Variants in SMYD3 observed in about 807,000 individuals in gnomAD.
SMYD3 encodes SET and MYND domain containing 3, also known as histone-lysine N-methyltransferase SMYD3.
Under a neutral mutation model 57.7 loss-of-function variants are expected in SMYD3, and 36 were observed. That is an observed-to-expected ratio of 0.62 (90% CI 0.48 to 0.82). The LOEUF is 0.82. Among genes scored for constraint, SMYD3 ranks in the 40% least tolerant of loss-of-function variants. The probability of loss-of-function intolerance (pLI) is 0.00; values close to 1 mark genes in which losing one functional copy is unlikely to be tolerated. For missense variants in SMYD3, 515 were observed against 538.8 expected, an observed-to-expected ratio of 0.96 and a Z score of 0.44; for synonymous variants, 211 against 195.0, an observed-to-expected ratio of 1.08 and a Z score of -0.68.
intron 1 of SMYD3, among the ~76,000 whole-genome samples, chr1:246,422,616 T>A (rs1210904242): frequency 6.6e-6 from 1 of 152,058 alleles, no homozygotes; most frequent in Admixed American, 6.5e-5. Flanking sequence ...GAGACGGGGT[T>A]TCGCCACGTT....
At chr1:246,425,266 C>T (rs896706521) in intron 1 of SMYD3, among the ~76,000 whole-genome samples, 4 of 152,142 alleles carry the variant, frequency 2.6e-5, no homozygotes, top group Non-Finnish European at 5.9e-5. Flanking sequence ...GTTACCCCCA[C>T]CCACATATGG....
chr1:246,061,094 G>A (rs1159262500), intron 5 of SMYD3, among the ~76,000 whole-genome samples: 2 of 152,050 alleles, frequency 1.3e-5, no homozygotes, highest in Non-Finnish European at 1.5e-5. Flanking sequence ...GTGCTGGCAG[G>A]CACCCATAAT....
intron 5 of SMYD3, among the ~76,000 whole-genome samples, chr1:246,086,060 TGC>T (rs2060716571): frequency 6.6e-6 from 1 of 151,596 alleles, no homozygotes; most frequent in Non-Finnish European, 1.5e-5. Context: ...TACCATAGGT[TGC>T]AATTTGCCTG....
chr1:245,795,461 T>C (rs144616825), intron 10 of SMYD3, among the ~76,000 whole-genome samples: 32 of 152,352 alleles, frequency 2.1e-4, no homozygotes, highest in African/African-American at 7.7e-4. Flanking sequence ...TTCCCAGCCA[T>C]TTTGCCTCCT....
intron 4 of SMYD3, among the ~76,000 whole-genome samples, chr1:246,329,055 G>A (rs1290223992): frequency 6.6e-6 from 1 of 152,128 alleles, no homozygotes; most frequent in African/African-American, 2.4e-5. Flanking sequence ...ATTCCATGGT[G>A]TATATGTGCC....
At chr1:245,843,538 ATATGTGTGTGTG>A (rs1012752091) in intron 10 of SMYD3, among the ~76,000 whole-genome samples, 3 of 74,802 alleles carry the variant, frequency 4.0e-5, no homozygotes, top group Admixed American at 1.8e-4. Flanking sequence ...GTGTATATAT[ATATGTGTGTGTG>A]TGTGTGTGTG....
intron 5 of SMYD3, among the ~76,000 whole-genome samples, chr1:246,274,153 C>A (rs1207774137): frequency 6.6e-6 from 1 of 152,166 alleles, no homozygotes; most frequent in Non-Finnish European, 1.5e-5. Context: ...AAAGCAAGTT[C>A]TTCATGCTCT....
intron 5 of SMYD3, among the ~76,000 whole-genome samples, chr1:245,981,287 C>T (rs1184620138): frequency 6.6e-6 from 1 of 152,202 alleles, no homozygotes; most frequent in Non-Finnish European, 1.5e-5. Flanking sequence ...CGAAGCTCTG[C>T]CCTTTTTGAG....
intron 10 of SMYD3, among the ~76,000 whole-genome samples, chr1:245,846,489 G>T (rs2050673124): frequency 6.6e-6 from 1 of 152,234 alleles, no homozygotes; most frequent in Admixed American, 6.5e-5. Flanking sequence ...GGTTCAGGCT[G>T]ACTCAAATGC....
intron 10 of SMYD3, among the ~76,000 whole-genome samples, chr1:245,775,471 G>T (rs1283550815): frequency 6.6e-6 from 1 of 150,860 alleles, no homozygotes; most frequent in Non-Finnish European, 1.5e-5. Flanking sequence ...ATGGATTAAG[G>T]GCGGTGCAAG....
intron 5 of SMYD3, among the ~76,000 whole-genome samples, chr1:246,027,707 A>G (rs2148250520): frequency 6.6e-6 from 1 of 152,362 alleles, no homozygotes; most frequent in African/African-American, 2.4e-5. Flanking sequence ...ATGGAGATGT[A>G]CAAGAAGACG....
chr1:245,966,063 AT>A (rs925779904), intron 5 of SMYD3, among the ~76,000 whole-genome samples: 3 of 152,182 alleles, frequency 2.0e-5, no homozygotes, highest in East Asian at 3.8e-4. Flanking sequence ...AAGTTTATTA[AT>A]TTTTTAAAGG....
intron 10 of SMYD3, among the ~76,000 whole-genome samples, chr1:245,813,899 T>G (rs1322615552): frequency 9.9e-6 from 1 of 100,522 alleles, no homozygotes; most frequent in Non-Finnish European, 2.2e-5. Flanking sequence ...TATATATATA[T>G]ATATACAGAT....
intron 8 of SMYD3, among the ~76,000 whole-genome samples, chr1:245,892,864 G>A (rs998930557): frequency 6.6e-6 from 1 of 152,010 alleles, no homozygotes; most frequent in African/African-American, 2.4e-5. Context: ...ATCCATGAAA[G>A]AAAAATACTG....
intron 4 of SMYD3, among the ~76,000 whole-genome samples, chr1:246,329,314 A>C (rs2065417861): frequency 1.3e-5 from 2 of 152,196 alleles, no homozygotes; most frequent in Non-Finnish European, 2.9e-5. Context: ...CCAACAGTGT[A>C]AAAGTGTTCC....
intron 8 of SMYD3, among the ~76,000 whole-genome samples, chr1:245,893,576 T>G (rs9287200): frequency 2.0e-5 from 3 of 152,176 alleles, no homozygotes; most frequent in Non-Finnish European, 4.4e-5. Context: ...ACAAATAACA[T>G]GGCTAAGCAA....
intron 1 of SMYD3, among the ~76,000 whole-genome samples, chr1:246,393,819 C>G (rs6704075): frequency 0.4 from 60,181 of 151,904 alleles, 12,680 homozygotes; most frequent in Admixed American, 0.5. Flanking sequence ...CGCGCCACTG[C>G]ACTCCGGCCT....
intron 5 of SMYD3, among the ~76,000 whole-genome samples, chr1:246,234,211 G>C (rs1572253163): frequency 6.7e-6 from 1 of 149,900 alleles, no homozygotes; most frequent in Admixed American, 6.6e-5. Context: ...ACACAGAGGA[G>C]AAGCGCTCCT....
At chr1:245,814,021 T>C (rs1301147640) in intron 10 of SMYD3, among the ~76,000 whole-genome samples, 1 of 151,768 alleles carries the variant, frequency 6.6e-6, no homozygotes, top group Non-Finnish European at 1.5e-5. Context: ...AGCAAAATTT[T>C]ATAATAAAGT....
Sources: allele counts gnomAD v4.1 joint callset (sites outside exome capture counted in the v4.1 genomes callset), GRCh38; gene constraint gnomAD v4.1.1; transcripts MANE v1.5; gene names NCBI Gene and HGNC (gene_info 2026-07-23, HGNC 2026-07-21).